EMC2: variants seen among roughly 807,000 people sequenced by gnomAD.
EMC2 encodes ER membrane protein complex subunit 2, also known as TPR repeat protein 35.
In EMC2, 37 loss-of-function variants were observed where a neutral mutation model predicts 51.6. The observed-to-expected ratio is 0.72, with a 90% confidence interval of 0.55 to 0.94. EMC2 has a LOEUF of 0.94. EMC2 is among the 40% of genes least tolerant of loss of function. The pLI, the probability that EMC2 is intolerant of heterozygous loss-of-function variation, is 0.00. For missense variants in EMC2, 359 were observed against 350.9 expected (o/e 1.02, Z -0.18); for synonymous variants, 131 against 112.4 (o/e 1.17, Z -1.04).
chr8:108,456,083 G>A lies in EMC2; in HGVS notation c.363+153G>A, dbSNP rs1819148027. ...TTTTTAATTTTAAATAGTTCATGAT[G>A]GGCCACAGTTTATTTTAAATAGATT... is the stretch of plus-strand genomic sequence containing the variant. On this transcript the variant is annotated intron_variant, in intron 5 of 10. Transcript: ENST00000220853. The A allele has an allele frequency of 1.3e-5, 3 of 232,476 alleles. No homozygotes were observed. In the East Asian group the frequency reaches 2.9e-4, roughly 23 times the overall value. 14.4% of individuals were successfully genotyped at this position (232,476 alleles called of 1,614,324 possible). A position where few individuals can be genotyped will look rare whatever the true frequency, so the allele number is the denominator to read the frequency against.
chr8:108,459,019 G>A (rs1819239328), intron 5 of EMC2, among the ~76,000 whole-genome samples: 1 of 152,156 alleles, frequency 6.6e-6, no homozygotes, highest in South Asian at 2.1e-4. Context: ...CAAGTTCAGA[G>A]TTCCACACAT....
intron 5 of EMC2, among the ~76,000 whole-genome samples, chr8:108,468,821 A>C (rs980773198): frequency 1.3e-5 from 2 of 152,190 alleles, no homozygotes; most frequent in Non-Finnish European, 2.9e-5. Flanking sequence ...CGTAAATTTA[A>C]TAATTTATAC....
At chr8:108,470,655 T>G (rs1015689936) in intron 7 of EMC2, among the ~76,000 whole-genome samples, 24 of 152,150 alleles carry the variant, frequency 1.6e-4, no homozygotes, top group African/African-American at 5.1e-4. Context: ...GGATGTTTAA[T>G]GTTTTTGTTA....
intron 8 of EMC2, among the ~76,000 whole-genome samples, chr8:108,476,242 G>T (rs2130401911): frequency 6.6e-6 from 1 of 151,712 alleles, no homozygotes; most frequent in East Asian, 1.9e-4. Flanking sequence ...CCACTTAATG[G>T]CTTGTGAGAC....
intron 5 of EMC2, among the ~76,000 whole-genome samples, chr8:108,466,121 G>T (rs568528033): frequency 3.9e-5 from 6 of 152,198 alleles, no homozygotes; most frequent in Admixed American, 3.3e-4. Flanking sequence ...GGCATACAAG[G>T]TCATAGAGAA....
intron 5 of EMC2, among the ~76,000 whole-genome samples, chr8:108,460,880 C>T (rs1051833102): frequency 6.6e-6 from 1 of 152,100 alleles, no homozygotes; most frequent in African/African-American, 2.4e-5. Context: ...TTTTTTCAGT[C>T]CCTTCTTTCC....
chr8:108,457,331 CGTGT>C (rs56319322), intron 5 of EMC2, among the ~76,000 whole-genome samples: 10,478 of 127,906 alleles, frequency 0.082, 425 homozygotes, highest in African/African-American at 0.11. Flanking sequence ...CGTGTGTGTG[CGTGT>C]GTGTGTGTGT....
intron 5 of EMC2, among the ~76,000 whole-genome samples, chr8:108,461,420 A>G (rs549122739): frequency 1.3e-5 from 2 of 152,336 alleles, no homozygotes; most frequent in Admixed American, 6.5e-5. Context: ...TGTGATGAAC[A>G]TGCTGTAGAC....
At position 108,476,842 on chromosome 8, in the gene EMC2, G is replaced by A. The variant is rs1002244526; in HGVS notation, c.652G>A (p.Ala218Thr). 31 of 1,606,390 alleles carry A rather than the reference G, an allele frequency of 1.9e-5. 1 individual carries two copies. The East Asian group carries it at 2.2e-4, about 12-fold the overall frequency. ...LELSRKYFAQ[A>T]LKLNNRNMRA... Reference sequence around the variant, plus strand: ...ACTTTCAAGAAAGTATTTTGCACAGGCATTGAAACTGAACAACAGAAATAT... The same window carrying A: ...ACTTTCAAGAAAGTATTTTGCACAGACATTGAAACTGAACAACAGAAATAT... The change falls in exon 9 of 11, where the codon GCA (alanine) becomes ACA (threonine). Residue 218 changes from alanine to threonine, a missense_variant. Ala to Thr is a moderately conservative substitution (Grantham distance 58, BLOSUM62 0). Transcript: ENST00000220853.
chr8:108,481,235 G>A (rs944659658), intron 10 of EMC2, among the ~76,000 whole-genome samples: 15 of 151,992 alleles, frequency 9.9e-5, no homozygotes, highest in Non-Finnish European at 1.8e-4. Context: ...AAATTGAGAA[G>A]ATTTTACAAA....
Position 108,486,604 on chromosome 8 carries a change from C to T in EMC2, c.*6C>T. ...TGCAGATCACCCAGTCTTAAGGTTT[C>T]AAAAACTCTTTGACATTAGATTTCA... On this transcript the variant is annotated 3_prime_UTR_variant, in exon 11 of 11. Coordinates refer to ENST00000220853, the MANE Select transcript of EMC2 (RefSeq NM_014673.5). The T allele has an allele frequency of 1.9e-6, 3 of 1,581,234 alleles. No individual in the cohort carries two copies. Among genetic ancestry groups the T allele is most frequent in the Non-Finnish European group, 1.7e-6 (2 of 1,166,220 alleles).
intron 2 of EMC2, 27 bp downstream of exon 2, chr8:108,449,963 C>G (rs761016517): frequency 1.1e-4 from 94 of 852,388 alleles, no homozygotes; most frequent in East Asian, 8.6e-5. Flanking sequence ...CATTCAGGCT[C>G]AGTACATGCC....
chr8:108,466,464 T>G (rs1248404403), intron 5 of EMC2, among the ~76,000 whole-genome samples: 1 of 140,212 alleles, frequency 7.1e-6, no homozygotes, highest in Admixed American at 7.1e-5. Context: ...TTTTTTTTTT[T>G]TTTTTTGAGA....
In EMC2 at chr8:108,474,423, A is replaced by T. The variant is rs548347152; in HGVS notation, c.510-1459A>T. The T allele has an allele frequency of 7.9e-5, 12 of 152,072 alleles. No homozygotes were observed. In the South Asian group the frequency reaches 1.7e-3, roughly 21 times the overall value. 9.4% of individuals were successfully genotyped at this position (152,072 alleles called of 1,614,324 possible). On this transcript the variant is annotated intron_variant, in intron 7 of 10. Coordinates refer to ENST00000220853, the MANE Select transcript of EMC2 (RefSeq NM_014673.5). ...TATATATTAGGTAGGTAGTCATAAC[A>T]CATTTGTTTTAGACATTTATTCAAT...
At chr8:108,474,172 T>C (rs1053585009) in intron 7 of EMC2, 1 of 152,018 alleles carries the variant, frequency 6.6e-6, no homozygotes, top group African/African-American at 2.4e-5. Flanking sequence ...GGTATTCATT[T>C]TACCCTAAGA....
chr8:108,462,674 CTAAT>C (rs1459721742), intron 5 of EMC2, among the ~76,000 whole-genome samples: 1 of 152,010 alleles, frequency 6.6e-6, no homozygotes, highest in African/African-American at 2.4e-5. Flanking sequence ...AGTTGCCAGT[CTAAT>C]TAGTTAAAAA....
chr8:108,485,938 A>G (rs1172444818), intron 10 of EMC2, among the ~76,000 whole-genome samples: 2 of 151,856 alleles, frequency 1.3e-5, no homozygotes, highest in African/African-American at 4.8e-5. Flanking sequence ...AATGTGTAGC[A>G]TAGGTTTTTA....
chr8:108,484,169 G>C (rs1364620580), intron 10 of EMC2, among the ~76,000 whole-genome samples: 1 of 151,968 alleles, frequency 6.6e-6, no homozygotes, highest in Non-Finnish European at 1.5e-5. Flanking sequence ...CTTCTTTGTT[G>C]CACTGGTAAA....
Position 108,487,665 on chromosome 8 carries a change from G to A in EMC2, c.*1067G>A, listed in dbSNP as rs1328918869. On this transcript the variant is annotated 3_prime_UTR_variant, in exon 11 of 11. Coordinates refer to ENST00000220853, the MANE Select transcript of EMC2 (RefSeq NM_014673.5). ...TTTATTTTTACTAAAAATATACAGA[G>A]GCATCTACAGACTTGTCATTGCTGC... Among the ~76,000 whole-genome samples the A allele has an allele frequency of 6.6e-6, 1 of 151,892 alleles. No individual in the cohort carries two copies. The highest frequency in any genetic ancestry group is 2.4e-5 in the African/African-American group (1 of 41,380).
Sources: allele counts gnomAD v4.1 joint callset (sites outside exome capture counted in the v4.1 genomes callset), GRCh38; gene constraint gnomAD v4.1.1; transcripts MANE v1.5; gene names NCBI Gene and HGNC (gene_info 2026-07-23, HGNC 2026-07-21).